Variants in SERPINA5 observed in about 807,000 individuals in gnomAD.
The protein encoded by SERPINA5 is serpin family A member 5, also known as plasma serine protease inhibitor.
A neutral mutation model predicts 25.3 loss-of-function variants in SERPINA5; 25 were observed. The ratio of observed to expected loss-of-function variants is 0.99; its 90% CI spans 0.72 to 1.38. The LOEUF (loss-of-function observed/expected upper bound fraction) is 1.38, where lower values mean the gene tolerates loss of function less well. Ranked by LOEUF, SERPINA5 falls within the 40% of genes most tolerant of loss-of-function variation. The pLI is 0.00. For synonymous variants in SERPINA5, 234 were observed against 206.2 expected (o/e 1.14, Z -1.16); for missense variants, 599 against 509.5 (o/e 1.18, Z -1.69).
In SERPINA5 at chr14:94,592,588, A is replaced by G. The variant is rs1050013; in HGVS notation, c.*349A>G. On this transcript the variant is annotated 3_prime_UTR_variant, in exon 6 of 6. Coordinates refer to ENST00000329597, the MANE Select transcript of SERPINA5 (RefSeq NM_000624.6). The stretch of plus-strand genomic sequence containing the variant: ...GCCCAGCTCAGTGCCACAAAGCTCA[A>G]TAGGAGGGATGTTCCAGTGGATGAG... 79,035 of 198,456 alleles carry G rather than the reference A, an allele frequency of 0.4. 17,089 individuals carry two copies. Among genetic ancestry groups the G allele is most frequent in the Middle Eastern group, 0.54 (274 of 504 alleles). 12.3% of individuals were successfully genotyped at this position (198,456 alleles called of 1,614,324 possible).
At chr14:94,583,265 G>A (rs1467016116) in intron 2 of SERPINA5, among the ~76,000 whole-genome samples, 1 of 152,202 alleles carries the variant, frequency 6.6e-6, no homozygotes, top group African/African-American at 2.4e-5. Context: ...AGCCTTTCAG[G>A]GCAAAGAAAG....
chr14:94,590,519 T>C, intron 4 of SERPINA5: 3 of 815,004 alleles, frequency 3.7e-6, no homozygotes, highest in Non-Finnish European at 5.5e-6. Flanking sequence ...CTTAGGGTGG[T>C]GCCAGAGTGG....
At position 94,588,050 on chromosome 14, in the gene SERPINA5, A is replaced by G. The variant is rs1157753416; in HGVS notation, c.619+69A>G. On this transcript the variant is annotated intron_variant, in intron 3 of 5. Transcript: ENST00000329597. ...GCTGCTTTTATCTAAAGAATACCCA[A>G]TTCCCTCACATACATAAAAGACGGG... The G allele has an allele frequency of 3.3e-6, 5 of 1,533,376 alleles. No individual in the cohort carries two copies. In the African/African-American group the frequency reaches 4.2e-5, roughly 13 times the overall value. The allele number at this position is 1,533,376 out of a possible 1,614,324, so 95.0% of individuals were successfully genotyped here. A position where few individuals can be genotyped will look rare whatever the true frequency, so the allele number is the denominator to read the frequency against.
Position 94,590,381 on chromosome 14 carries a change from G to A in SERPINA5, c.890+70G>A, listed in dbSNP as rs1885241114. ...CAGGGAGACACACACGCCCTACCAG[G>A]GCCACACAGCACTGGTGGGAAGGAC... On this transcript the variant is annotated intron_variant, in intron 4 of 5. Coordinates refer to ENST00000329597, the MANE Select transcript of SERPINA5 (RefSeq NM_000624.6). 2.0e-6 allele frequency: 3 copies of A among 1,499,630 alleles called. No individual in the cohort carries two copies. The African/African-American group carries it at 4.2e-5, about 21-fold the overall frequency. 92.9% of individuals were successfully genotyped at this position (1,499,630 alleles called of 1,614,324 possible). A position where few individuals can be genotyped will look rare whatever the true frequency, so the allele number is the denominator to read the frequency against.
chr14:94,592,420 T>C lies in SERPINA5; in HGVS notation c.*181T>C, dbSNP rs1165780942. 3.3e-6 allele frequency: 2 copies of C among 601,670 alleles called. No homozygotes were observed. Among genetic ancestry groups the C allele is most frequent in the African/African-American group, 3.7e-5 (2 of 54,032 alleles). The allele number at this position is 601,670 out of a possible 1,614,324, so 37.3% of individuals were successfully genotyped here. A position where few individuals can be genotyped will look rare whatever the true frequency, so the allele number is the denominator to read the frequency against. ...CACACGACTGCAACATACAGGTGCCTTGGGGAAATGTGGAGAACATTCAAT... is the reference window on the plus strand; with the variant it reads ...CACACGACTGCAACATACAGGTGCCCTGGGGAAATGTGGAGAACATTCAAT... On this transcript the variant is annotated 3_prime_UTR_variant, in exon 6 of 6. Coordinates refer to ENST00000329597, the MANE Select transcript of SERPINA5 (RefSeq NM_000624.6).
At chr14:94,589,637 T>A (rs1396331984) in intron 3 of SERPINA5, among the ~76,000 whole-genome samples, 1 of 152,092 alleles carries the variant, frequency 6.6e-6, no homozygotes, top group African/African-American at 2.4e-5. Context: ...AAAATTTAAA[T>A]CAAAATATTG....
intron 4 of SERPINA5, 62 bp downstream of exon 4, chr14:94,590,373 C>T: frequency 6.6e-7 from 1 of 1,517,914 alleles, no homozygotes; most frequent in Middle Eastern, 2.4e-4. Flanking sequence ...ACACACACGC[C>T]CTACCAGGGC....
rs769477724 is a variant in SERPINA5 at position 94,592,275 on chromosome 14, T to G, written c.*36T>G. On this transcript the variant is annotated 3_prime_UTR_variant, in exon 6 of 6. Coordinates refer to ENST00000329597, the MANE Select transcript of SERPINA5 (RefSeq NM_000624.6). Reference sequence around the variant, plus strand: ...CTCCTGAAATCTACAGGCCTCAGGGTGGGAGATGAAGGGGGCTAAGCTATG... The same window carrying G: ...CTCCTGAAATCTACAGGCCTCAGGGGGGGAGATGAAGGGGGCTAAGCTATG... 11 of 1,590,156 alleles carry G rather than the reference T, an allele frequency of 6.9e-6. No individual in the cohort carries two copies. Among genetic ancestry groups the G allele is most frequent in the Non-Finnish European group, 9.4e-6 (11 of 1,165,844 alleles).
rs767649496 is a variant in SERPINA5, at chr14:94,592,241, G to T, written c.*2G>T. ...CTTGGCAAAGTGAACCGCCCCTGAG[G>T]TGGGGCTTCTCCTGAAATCTACAGG... On this transcript the variant is annotated 3_prime_UTR_variant, in exon 6 of 6. Coordinates refer to ENST00000329597, the MANE Select transcript of SERPINA5 (RefSeq NM_000624.6). 6.2e-7 allele frequency: 1 copy of T among 1,610,168 alleles called. No individual in the cohort carries two copies. Among genetic ancestry groups the T allele is most frequent in the African/African-American group, 1.3e-5 (1 of 74,872 alleles).
At chr14:94,588,937 C>T (rs893463842) in intron 3 of SERPINA5, among the ~76,000 whole-genome samples, 32 of 152,104 alleles carry the variant, frequency 2.1e-4, no homozygotes, top group African/African-American at 7.7e-4. Flanking sequence ...CCCAAAGGCC[C>T]CCTGTCCTAA....
chr14:94,590,395 G>T, intron 4 of SERPINA5, 84 bp downstream of exon 4: 4 of 1,474,280 alleles, frequency 2.7e-6, no homozygotes, highest in Non-Finnish European at 3.6e-6. Context: ...ACACAGCACT[G>T]GTGGGAAGGA....
chr14:94,583,599 G>A (rs1175993475), intron 2 of SERPINA5, among the ~76,000 whole-genome samples: 1 of 152,180 alleles, frequency 6.6e-6, no homozygotes, highest in Non-Finnish European at 1.5e-5. Context: ...GTAGAACTGG[G>A]CAGGACTTCA....
In SERPINA5 at chr14:94,587,768, G is replaced by A. The variant is rs752482577; in HGVS notation, c.406G>A (p.Asp136Asn). The change falls in exon 3 of 6, where the codon GAC becomes AAC. Residue 136 changes from aspartate to asparagine, a missense_variant. Asp to Asn is a conservative substitution (Grantham distance 23). Transcript: ENST00000329597. The stretch of plus-strand genomic sequence containing the variant: ...GAGCCTCGGCAATGCCCTTTTCACC[G>A]ACCTGGTGGTAGACCTGCAGGACAC... ...QLSLGNALFTDLVVDLQDTFV... is the reference protein window; with the variant it reads ...QLSLGNALFTNLVVDLQDTFV... The A allele has an allele frequency of 9.3e-6, 15 of 1,614,078 alleles. No homozygotes were observed. Among genetic ancestry groups the A allele is most frequent in the Non-Finnish European group, 7.6e-6 (9 of 1,180,054 alleles).
chr14:94,582,321 T>C (rs1884942406), intron 2 of SERPINA5: 1 of 152,230 alleles, frequency 6.6e-6, no homozygotes, highest in Admixed American at 6.5e-5. Context: ...GCATGAAGAA[T>C]ACAGGCGGCA....
chr14:94,587,658 T>C lies in SERPINA5; in HGVS notation c.296T>C (p.Leu99Pro). ...ATCCTGGAGGGCCTGGGCCTCAACC[T>C]CCAGAAAAGCTCAGAGAAGGAGCTG... ...MQILEGLGLN[L>P]QKSSEKELHR... Residue 99 changes from leucine (L) to proline (P), a missense_variant, in exon 3 of 6, where the codon CTC (leucine) becomes CCC (proline). Physicochemically the swap from Leu to Pro is moderately conservative, Grantham distance 98 (BLOSUM62 -3). Coordinates refer to ENST00000329597, the MANE Select transcript of SERPINA5 (RefSeq NM_000624.6). 6.2e-7 allele frequency: 1 copy of C among 1,613,980 alleles called. No homozygotes were observed.
rs200732424 is a variant in SERPINA5 at position 94,587,714 on chromosome 14, C to A, written c.352C>A (p.Leu118Ile). 1.2e-6 allele frequency: 2 copies of A among 1,614,230 alleles called. No individual in the cohort carries two copies. Among genetic ancestry groups the A allele is most frequent in the Admixed American group, 1.7e-5 (1 of 60,030 alleles). Reference protein sequence around the residue: ...HRGFQQLLQELNQPRDGFQLS... With the variant: ...HRGFQQLLQEINQPRDGFQLS... ...AGGCTTTCAGCAGCTCCTTCAGGAA[C>A]TCAACCAGCCCAGAGATGGCTTCCA... Residue 118 changes from leucine (L) to isoleucine (I), a missense_variant, in exon 3 of 6, where the codon CTC becomes ATC. Coordinates refer to ENST00000329597, the MANE Select transcript of SERPINA5 (RefSeq NM_000624.6).
At chr14:94,589,891 T>C in intron 3 of SERPINA5, 150 bp from the exon 4 acceptor site, 1 of 684,922 alleles carries the variant, frequency 1.5e-6, no homozygotes, top group South Asian at 2.4e-5. Context: ...TGCCTTCATA[T>C]TCAAGAGGTT....
In SERPINA5 at chr14:94,592,268, C is replaced by T; in HGVS notation, c.*29C>T. The T allele has an allele frequency of 6.3e-7, 1 of 1,596,700 alleles. No homozygotes were observed. The highest frequency in any genetic ancestry group is 8.6e-7 in the Non-Finnish European group (1 of 1,169,446). On this transcript the variant is annotated 3_prime_UTR_variant, in exon 6 of 6. Coordinates refer to ENST00000329597, the MANE Select transcript of SERPINA5 (RefSeq NM_000624.6). ...GGGGCTTCTCCTGAAATCTACAGGC[C>T]TCAGGGTGGGAGATGAAGGGGGCTA...
At chr14:94,591,549 G>GTTCTA (rs59712526) in intron 5 of SERPINA5, among the ~76,000 whole-genome samples, 12,190 of 108,196 alleles carry the variant, frequency 0.11, 978 homozygotes, top group Admixed American at 0.15. Flanking sequence ...ATTCTGTTCT[G>GTTCTA]TTCTATTCTA....
Sources: allele counts gnomAD v4.1 joint callset (sites outside exome capture counted in the v4.1 genomes callset), GRCh38; gene constraint gnomAD v4.1.1; transcripts MANE v1.5; gene names NCBI Gene and HGNC (gene_info 2026-07-23, HGNC 2026-07-21).